ADGB: variants seen among roughly 807,000 people sequenced by gnomAD.
ADGB encodes calpain-7-like protein.
In ADGB, 172 loss-of-function variants were observed where a neutral mutation model predicts 210.5. The ratio of observed to expected loss-of-function variants is 0.82; its 90% CI spans 0.72 to 0.93. The LOEUF (loss-of-function observed/expected upper bound fraction) is 0.93, where lower values mean the gene tolerates loss of function less well. Ranked by LOEUF, ADGB falls within the 40% of genes least tolerant of loss-of-function variation. ADGB has a pLI of 0.00. For missense variants in ADGB, 2,025 were observed against 1,964.8 expected, an observed-to-expected ratio of 1.03 and a Z score of -0.58; for synonymous variants, 658 against 662.7, an observed-to-expected ratio of 0.99 and a Z score of 0.11.
At chr6:146,745,419 C>T (rs1777214024) in intron 25 of ADGB, among the ~76,000 whole-genome samples, 1 of 152,212 alleles carries the variant, frequency 6.6e-6, no homozygotes, top group African/African-American at 2.4e-5. Flanking sequence ...AGCTCATCCT[C>T]AATCACACAT....
chr6:146,608,855 G>T (rs1376618821), intron 1 of ADGB, among the ~76,000 whole-genome samples: 2 of 152,118 alleles, frequency 1.3e-5, no homozygotes, highest in Non-Finnish European at 2.9e-5. Flanking sequence ...TTTTTATTGG[G>T]AGAAGTGTTC....
At chr6:146,633,220 T>C (rs1290707734) in intron 1 of ADGB, among the ~76,000 whole-genome samples, 1 of 152,178 alleles carries the variant, frequency 6.6e-6, no homozygotes, top group Admixed American at 6.6e-5. Context: ...TTAAAGTATA[T>C]GCAGAATCTA....
chr6:146,815,065 G>C lies in ADGB; in HGVS notation c.4852G>C (p.Asp1618His). 2 of 1,544,770 alleles carry C rather than the reference G, an allele frequency of 1.3e-6. No homozygotes were observed. Among genetic ancestry groups the C allele is most frequent in the Non-Finnish European group, 8.7e-7 (1 of 1,145,500 alleles). The change falls in exon 36 of 36, where the codon GAC becomes CAC. Residue 1618 changes from aspartate (D) to histidine (H), a missense_variant. Transcript: ENST00000397944. ...SLDEARQKIFDIREEYRNKLL... is the reference protein window; with the variant it reads ...SLDEARQKIFHIREEYRNKLL... The stretch of plus-strand genomic sequence containing the variant: ...AGATGAAGCCCGACAGAAAATTTTC[G>C]ACATCCGGGAAGAGTACAGAAACAA...
At chr6:146,713,254 C>T (rs1213859630) in intron 13 of ADGB, among the ~76,000 whole-genome samples, 1 of 152,154 alleles carries the variant, frequency 6.6e-6, no homozygotes, top group Non-Finnish European at 1.5e-5. Context: ...ACTCTGCTTT[C>T]AATGCTTTTG....
intron 3 of ADGB, among the ~76,000 whole-genome samples, chr6:146,647,403 G>C (rs191285759): frequency 6.6e-6 from 1 of 152,096 alleles, no homozygotes; most frequent in Admixed American, 6.6e-5. Flanking sequence ...AGCCCATTTA[G>C]ATAACCTAGA....
intron 7 of ADGB, among the ~76,000 whole-genome samples, chr6:146,669,126 A>G (rs1444242592): frequency 2.0e-5 from 3 of 152,122 alleles, no homozygotes; most frequent in Non-Finnish European, 4.4e-5. Flanking sequence ...GTGTGATGCC[A>G]TACAACTTAA....
intron 30 of ADGB, among the ~76,000 whole-genome samples, chr6:146,783,502 T>A (rs1053107628): frequency 6.6e-6 from 1 of 152,200 alleles, no homozygotes; most frequent in Non-Finnish European, 1.5e-5. Context: ...AAGTCTCTGA[T>A]AAATTCATGT....
intron 2 of ADGB, among the ~76,000 whole-genome samples, chr6:146,637,646 A>G (rs573334394): frequency 1.3e-4 from 19 of 151,936 alleles, no homozygotes; most frequent in Non-Finnish European, 2.4e-4. Flanking sequence ...AAATCCTGAA[A>G]CCCAGTGTTG....
intron 10 of ADGB, among the ~76,000 whole-genome samples, chr6:146,690,368 A>T (rs1214590232): frequency 1.3e-5 from 2 of 152,208 alleles, no homozygotes; most frequent in East Asian, 3.8e-4. Context: ...TAATGTTGTT[A>T]ATATTTCAAT....
chr6:146,624,163 A>C (rs1780938903), intron 1 of ADGB, among the ~76,000 whole-genome samples: 1 of 151,744 alleles, frequency 6.6e-6, no homozygotes, highest in Admixed American at 6.6e-5. Context: ...TTCTTCCTTA[A>C]ATATTTAGTA....
intron 6 of ADGB, among the ~76,000 whole-genome samples, chr6:146,666,437 A>C (rs1181185479): frequency 1.3e-5 from 2 of 152,088 alleles, no homozygotes; most frequent in Admixed American, 1.3e-4. Flanking sequence ...AAGACATCTT[A>C]AAATAATTAC....
At chr6:146,639,112 G>A in intron 2 of ADGB, 1 of 144,170 alleles carries the variant, frequency 6.9e-6, no homozygotes. Flanking sequence ...TGCTGCCCTG[G>A]CTTGTGATGC....
intron 1 of ADGB, among the ~76,000 whole-genome samples, chr6:146,625,460 C>A (rs1288383356): frequency 6.6e-6 from 1 of 151,942 alleles, no homozygotes; most frequent in Admixed American, 6.6e-5. Flanking sequence ...AGAGATAACA[C>A]ATAGTTGGTG....
At chr6:146,682,554 C>A (rs1031455352) in intron 9 of ADGB, among the ~76,000 whole-genome samples, 2 of 151,966 alleles carry the variant, frequency 1.3e-5, no homozygotes, top group African/African-American at 4.8e-5. Context: ...TGTGCTAATT[C>A]AATACAAAGT....
chr6:146,644,982 A>G (rs991916285), intron 3 of ADGB, 117 bp downstream of exon 3: 81 of 527,482 alleles, frequency 1.5e-4, no homozygotes, highest in Non-Finnish European at 2.4e-4. Context: ...GTATTCAGTA[A>G]AAAAGTAATT....
rs1776021535 is a variant in ADGB at position 146,672,336 on chromosome 6, A to C, written c.956A>C (p.Glu319Ala). The stretch of plus-strand genomic sequence containing the variant: ...GCAGTGTTAGATTCTAAATTAAAAG[A>C]ACCAGGGAAAGAAGGGAAGGAGGGA... Reference protein sequence around the residue: ...KIAVLDSKLKEPGKEGKEGKE... With the variant: ...KIAVLDSKLKAPGKEGKEGKE... The change falls in exon 8 of 36, where the codon GAA becomes GCA. Residue 319 changes from glutamate (E) to alanine (A), a missense_variant. Transcript: ENST00000397944. 3 of 1,551,394 alleles carry C rather than the reference A, an allele frequency of 1.9e-6. No homozygotes were observed. Among genetic ancestry groups the C allele is most frequent in the Non-Finnish European group, 2.6e-6 (3 of 1,146,862 alleles).
At chr6:146,674,573 G>T (rs1486751584) in intron 8 of ADGB, among the ~76,000 whole-genome samples, 1 of 152,114 alleles carries the variant, frequency 6.6e-6, no homozygotes, top group Admixed American at 6.6e-5. Context: ...AGAAGATGAG[G>T]ACTTCAGACC....
chr6:146,655,693 A>C (rs932608308), intron 4 of ADGB, among the ~76,000 whole-genome samples: 4 of 152,176 alleles, frequency 2.6e-5, no homozygotes, highest in Non-Finnish European at 5.9e-5. Flanking sequence ...TTAGTATAAA[A>C]TACACCTATT....
chr6:146,703,325 A>G (rs1359903654), intron 13 of ADGB, among the ~76,000 whole-genome samples: 2 of 151,934 alleles, frequency 1.3e-5, no homozygotes, highest in Non-Finnish European at 2.9e-5. Flanking sequence ...TAGCTGAATA[A>G]CTAAATTGAG....
Sources: gnomAD v4.1 joint callset for allele counts (sites outside exome capture counted in the v4.1 genomes callset) on GRCh38, gnomAD v4.1.1 for gene constraint, MANE v1.5 for transcripts, NCBI Gene and HGNC (gene_info 2026-07-23, HGNC 2026-07-21) for gene names.